The following CDH18 variants were observed in gnomAD, a reference collection of about 807,000 sequenced individuals.
CDH18 encodes cadherin 18, also known as cadherin-18.
CDH18 carries 31 observed loss-of-function variants against 67.9 expected under a neutral mutation model. The observed-to-expected ratio is 0.46, with a 90% CI of 0.34 to 0.62. CDH18 has a LOEUF of 0.62. CDH18 is among the 20% of genes least tolerant of loss of function. The probability of loss-of-function intolerance (pLI) is 0.01; values close to 1 mark genes in which losing one functional copy is unlikely to be tolerated. For synonymous variants in CDH18, 362 were observed against 347.2 expected (o/e 1.04, Z -0.48); for missense variants, 890 against 975.5 (o/e 0.91, Z 1.17).
Position 19,884,810 on chromosome 5 carries a change from T to C in CDH18, c.-256-45568A>G, listed in dbSNP as rs568081289. Among the ~76,000 whole-genome samples, 278 of 152,190 alleles carry C rather than the reference T, an allele frequency of 1.8e-3. 1 individual carries two copies. Among genetic ancestry groups the C allele is most frequent in the African/African-American group, 6.4e-3 (266 of 41,568 alleles). On this transcript the variant is annotated intron_variant, in intron 2 of 12. Coordinates refer to ENST00000382275, the MANE Select transcript of CDH18 (RefSeq NM_004934.5). ...TAAGAAATTTAAATCTTTACAAAAA[T>C]TTTTTAAACAGTCACTCTTTCTCTT...
intron 2 of CDH18, among the ~76,000 whole-genome samples, chr5:19,932,656 C>A (rs56222793): frequency 0.072 from 10,988 of 151,728 alleles, 1,021 homozygotes; most frequent in East Asian, 0.26. Flanking sequence ...TAATTTTTAA[C>A]AAATCTTTAT....
At chr5:20,133,078 C>G (rs1749407303) in intron 2 of CDH18, among the ~76,000 whole-genome samples, 1 of 152,100 alleles carries the variant, frequency 6.6e-6, no homozygotes, top group African/African-American at 2.4e-5. Flanking sequence ...TGGAGAACTT[C>G]TTTTAACATT....
intron 1 of CDH18, among the ~76,000 whole-genome samples, chr5:20,551,038 T>A (rs1358937718): frequency 1.3e-5 from 2 of 152,130 alleles, no homozygotes; most frequent in Non-Finnish European, 2.9e-5. Context: ...AGACCCAAAG[T>A]TTCTGGCAAT....
intron 2 of CDH18, among the ~76,000 whole-genome samples, chr5:20,174,479 G>C (rs907648280): frequency 6.6e-6 from 1 of 152,066 alleles, no homozygotes; most frequent in African/African-American, 2.4e-5. Context: ...ATGCCATTGA[G>C]GAGAACAAAA....
chr5:20,498,776 CTTAT>C (rs1295807009), intron 1 of CDH18, among the ~76,000 whole-genome samples: 1 of 151,850 alleles, frequency 6.6e-6, no homozygotes, highest in Admixed American at 6.6e-5. Context: ...TAATACGTGT[CTTAT>C]TTAAATATTT....
chr5:20,380,824 T>TA (rs1347867983), intron 1 of CDH18, among the ~76,000 whole-genome samples: 2 of 152,184 alleles, frequency 1.3e-5, no homozygotes, highest in Non-Finnish European at 2.9e-5. Context: ...TTATACTGAT[T>TA]AACTATGGAC....
intron 1 of CDH18, among the ~76,000 whole-genome samples, chr5:20,462,135 T>C (rs1751306724): frequency 1.3e-5 from 2 of 152,112 alleles, no homozygotes; most frequent in South Asian, 4.1e-4. Flanking sequence ...TATCATTGAA[T>C]AAATGAATAA....
chr5:20,348,026 G>A (rs1359537885), intron 1 of CDH18, among the ~76,000 whole-genome samples: 1 of 152,104 alleles, frequency 6.6e-6, no homozygotes, highest in African/African-American at 2.4e-5. Flanking sequence ...TTTGGACTTA[G>A]CTGTACTAGG....
intron 1 of CDH18, among the ~76,000 whole-genome samples, chr5:20,488,198 A>G (rs920193148): frequency 6.6e-6 from 1 of 152,220 alleles, no homozygotes; most frequent in Non-Finnish European, 1.5e-5. Context: ...AGGTTTGATC[A>G]TAATTAAAAA....
chr5:19,948,075 T>C (rs2150253132), intron 2 of CDH18, among the ~76,000 whole-genome samples: 1 of 152,290 alleles, frequency 6.6e-6, no homozygotes, highest in Non-Finnish European at 1.5e-5. Context: ...AAGTCCATAA[T>C]GCAGTATCAC....
chr5:19,904,264 T>C (rs1311714139), intron 2 of CDH18, among the ~76,000 whole-genome samples: 1 of 148,478 alleles, frequency 6.7e-6, no homozygotes, highest in African/African-American at 2.5e-5. Flanking sequence ...ACAGTTAGAC[T>C]CTGTCAAAAA....
intron 2 of CDH18, among the ~76,000 whole-genome samples, chr5:19,925,245 T>C (rs1339983268): frequency 6.6e-6 from 1 of 152,158 alleles, no homozygotes; most frequent in Non-Finnish European, 1.5e-5. Flanking sequence ...GACCTCAAGC[T>C]ACAGTATGTA....
intron 5 of CDH18, among the ~76,000 whole-genome samples, chr5:19,642,853 A>G (rs921918470): frequency 6.6e-6 from 1 of 152,134 alleles, no homozygotes; most frequent in East Asian, 1.9e-4. Context: ...AATTTGCTGC[A>G]AATAAAACAA....
intron 2 of CDH18, among the ~76,000 whole-genome samples, chr5:20,229,056 TG>T (rs1390602609): frequency 2.0e-5 from 3 of 152,214 alleles, no homozygotes; most frequent in South Asian, 2.1e-4. Flanking sequence ...TTTGTAATTA[TG>T]GGTGTCTTTG....
At chr5:20,221,308 C>T (rs1349181685) in intron 2 of CDH18, among the ~76,000 whole-genome samples, 1 of 151,936 alleles carries the variant, frequency 6.6e-6, no homozygotes, top group Non-Finnish European at 1.5e-5. Context: ...CTGTCATTTG[C>T]AACTACATGG....
chr5:20,093,049 T>C (rs1430639239), intron 2 of CDH18, among the ~76,000 whole-genome samples: 1 of 152,134 alleles, frequency 6.6e-6, no homozygotes, highest in Non-Finnish European at 1.5e-5. Flanking sequence ...TTTAACCATT[T>C]TCAAGTGTAG....
chr5:20,326,812 A>G (rs1738640974), intron 1 of CDH18, among the ~76,000 whole-genome samples: 2 of 152,148 alleles, frequency 1.3e-5, no homozygotes, highest in South Asian at 4.1e-4. Context: ...AAGTGCTGGG[A>G]TCACCGGCTT....
intron 10 of CDH18, among the ~76,000 whole-genome samples, chr5:19,514,532 G>A (rs867059072): frequency 5.9e-5 from 9 of 152,034 alleles, no homozygotes; most frequent in East Asian, 1.9e-4. Context: ...TTTAGTGATC[G>A]CCATTCTAAC....
intron 5 of CDH18, among the ~76,000 whole-genome samples, chr5:19,675,283 T>G (rs201648713): frequency 5.6e-5 from 1 of 17,736 alleles, no homozygotes; most frequent in African/African-American, 1.3e-4. Context: ...CATTGATAAT[T>G]TTTATCAGGA....
Sources: allele counts gnomAD v4.1 joint callset (sites outside exome capture counted in the v4.1 genomes callset), GRCh38; gene constraint gnomAD v4.1.1; transcripts MANE v1.5; gene names NCBI Gene and HGNC (gene_info 2026-07-23, HGNC 2026-07-21).